Variants in MICAL2 observed in about 807,000 individuals in gnomAD.
The protein encoded by MICAL2 is [F-actin]-monooxygenase MICAL2.
MICAL2 carries 77 observed loss-of-function variants against 127.3 expected under a neutral mutation model. That is an observed-to-expected ratio of 0.60 (90% CI 0.50 to 0.73). The LOEUF is 0.73. Ranked by LOEUF, MICAL2 falls within the 30% of genes least tolerant of loss-of-function variation. The probability of loss-of-function intolerance (pLI) is 0.00; values close to 1 mark genes in which losing one functional copy is unlikely to be tolerated. For synonymous variants in MICAL2, 570 were observed against 551.1 expected, an observed-to-expected ratio of 1.03 and a Z score of -0.48; for missense variants, 1,351 against 1,434.4, an observed-to-expected ratio of 0.94 and a Z score of 0.94.
chr11:12,199,376 G>A (rs1860366787), intron 3 of MICAL2, among the ~76,000 whole-genome samples: 1 of 152,158 alleles, frequency 6.6e-6, no homozygotes, highest in Admixed American at 6.5e-5. Flanking sequence ...GCCAGCTGGA[G>A]AACGCCACAC....
intron 3 of MICAL2, among the ~76,000 whole-genome samples, chr11:12,177,682 G>A (rs1242413863): frequency 6.6e-6 from 1 of 152,240 alleles, no homozygotes; most frequent in Non-Finnish European, 1.5e-5. Flanking sequence ...TATGGGGTGA[G>A]GTACAGGTAT....
intron 26 of MICAL2, chr11:12,261,879 A>G (rs1863162937): frequency 1.0e-5 from 10 of 985,978 alleles, no homozygotes; most frequent in Non-Finnish European, 1.2e-5. Flanking sequence ...GGAACCCTTG[A>G]TTCCTTTTGT....
intron 32 of MICAL2, among the ~76,000 whole-genome samples, chr11:12,344,682 G>A (rs1223411908): frequency 6.7e-6 from 1 of 149,916 alleles, no homozygotes. Context: ...GGTATTTTCA[G>A]TAGAGACGGG....
At chr11:12,312,012 AAT>A (rs1472055756) in intron 29 of MICAL2, among the ~76,000 whole-genome samples, 2 of 151,246 alleles carry the variant, frequency 1.3e-5, no homozygotes, top group African/African-American at 4.8e-5. Flanking sequence ...AATTTATTAT[AAT>A]AGTTTATATA....
chr11:12,291,004 G>A (rs1305699059), downstream of MICAL2, among the ~76,000 whole-genome samples: 4 of 152,130 alleles, frequency 2.6e-5, no homozygotes, highest in African/African-American at 4.8e-5. Context: ...GCTAAGAAGT[G>A]GATGAAAATC....
At chr11:12,198,624 G>T (rs1037923555) in intron 3 of MICAL2, among the ~76,000 whole-genome samples, 1 of 152,116 alleles carries the variant, frequency 6.6e-6, no homozygotes. Context: ...ATGGTGGCAC[G>T]TCCCTGGCAC....
rs1391139171 is a variant in MICAL2, at chr11:12,213,337, C to G, written c.774C>G (p.Ala258=). 6.2e-7 allele frequency: 1 copy of G among 1,614,108 alleles called. No homozygotes were observed. The highest frequency in any genetic ancestry group is 2.2e-5 in the East Asian group (1 of 44,878). The change falls in exon 7 of 28, where the codon GCC becomes GCG. Residue 258 remains alanine (A), a synonymous_variant. Transcript: ENST00000683283. ...NFINRNSTAE[A]KVEEISGVAF... ...TAAACAGAAACAGCACAGCGGAAGC[C>G]AAGGTGGAAGAGATTAGTGGTGTGG...
exon 3 of MICAL2, chr11:12,287,290 G>C: frequency 2.5e-6 from 1 of 395,244 alleles, no homozygotes. Flanking sequence ...GGTTGTCAGA[G>C]GCAAGAAATA....
chr11:12,127,556 G>C (rs181569661), intron 1 of MICAL2, among the ~76,000 whole-genome samples: 7 of 152,260 alleles, frequency 4.6e-5, no homozygotes, highest in African/African-American at 1.4e-4. Context: ...CTCGGGGAGG[G>C]CTGTAATTTT....
intron 31 of MICAL2, among the ~76,000 whole-genome samples, chr11:12,326,551 TGC>T (rs1391399014): frequency 1.3e-5 from 2 of 152,172 alleles, no homozygotes; most frequent in Non-Finnish European, 2.9e-5. Context: ...CTTAATAACC[TGC>T]TAGTAACAAA....
chr11:12,219,307 T>C (rs975467038), intron 8 of MICAL2, among the ~76,000 whole-genome samples: 1 of 152,078 alleles, frequency 6.6e-6, no homozygotes, highest in Non-Finnish European at 1.5e-5. Flanking sequence ...AATCCTCACA[T>C]CCTGTGTTTC....
chr11:12,242,120 C>G (rs1275322469), intron 18 of MICAL2, 94 bp from the exon 19 acceptor site: 2 of 1,075,352 alleles, frequency 1.9e-6, no homozygotes, highest in Non-Finnish European at 1.3e-6. Flanking sequence ...CCTGGTGCAC[C>G]CTTTGTCTCT....
chr11:12,245,491 A>G (rs1316828965), intron 21 of MICAL2, among the ~76,000 whole-genome samples: 1 of 152,238 alleles, frequency 6.6e-6, no homozygotes, highest in African/African-American at 2.4e-5. Context: ...GGAGCAAGGA[A>G]TCTTACCAGC....
chr11:12,258,755 C>T (rs1862675022), intron 25 of MICAL2, among the ~76,000 whole-genome samples, 199 bp downstream of exon 25: 1 of 152,236 alleles, frequency 6.6e-6, no homozygotes, highest in South Asian at 2.1e-4. Context: ...GTGTCCCATT[C>T]CAGATGAGCT....
chr11:12,324,684 A>C (rs988467570), intron 31 of MICAL2, among the ~76,000 whole-genome samples: 1 of 152,164 alleles, frequency 6.6e-6, no homozygotes, highest in Non-Finnish European at 1.5e-5. Flanking sequence ...GGATACACGG[A>C]CTTAGAATGA....
At chr11:12,147,009 A>G (rs925604948) in intron 2 of MICAL2, among the ~76,000 whole-genome samples, 10 of 151,878 alleles carry the variant, frequency 6.6e-5, no homozygotes, top group Non-Finnish European at 1.2e-4. Context: ...AAGTTGAACA[A>G]TGAGAACACT....
At chr11:12,129,608 C>T (rs569602779) in intron 1 of MICAL2, among the ~76,000 whole-genome samples, 1 of 141,306 alleles carries the variant, frequency 7.1e-6, no homozygotes, top group African/African-American at 2.7e-5. Flanking sequence ...GACCTTTATA[C>T]AATTCTACTC....
rs117383486 is a variant in MICAL2, at chr11:12,168,751, G to A, written c.264+6332G>A. 7.7e-3 allele frequency among the ~76,000 whole-genome samples: 1,167 copies of A among 151,698 alleles called. 10 individuals are homozygous for A. The highest frequency in any genetic ancestry group is 9.8e-3 in the Non-Finnish European group (667 of 67,934). On this transcript the variant is annotated intron_variant, in intron 3 of 27. Transcript: ENST00000683283. ...GGGTAAGAAAATATAGGGTGAGACC[G>A]GGCAAGTGGGACCAACACAGTGAGA...
downstream of MICAL2, among the ~76,000 whole-genome samples, chr11:12,264,074 A>C (rs1863471215): frequency 6.6e-6 from 1 of 152,150 alleles, no homozygotes. Context: ...GTGTCCCCTC[A>C]GCGATTAGAA....
Sources: allele counts gnomAD v4.1 joint callset (sites outside exome capture counted in the v4.1 genomes callset), GRCh38; gene constraint gnomAD v4.1.1; transcripts MANE v1.5; gene names NCBI Gene and HGNC (gene_info 2026-07-23, HGNC 2026-07-21).